Variants in FSTL1 observed in about 807,000 individuals in gnomAD.
The protein encoded by FSTL1 is follistatin-related protein 1.
FSTL1 carries 24 observed loss-of-function variants against 45.9 expected under a neutral mutation model. The ratio of observed to expected loss-of-function variants is 0.52; its 90% CI spans 0.38 to 0.74. FSTL1 has a LOEUF of 0.74. FSTL1 is among the 30% of genes least tolerant of loss of function. The pLI is 0.00. For synonymous variants in FSTL1, 120 were observed against 137.6 expected (o/e 0.87, Z 0.89); for missense variants, 340 against 381.8 (o/e 0.89, Z 0.91).
At chr3:120,425,206 G>A (rs755905518) in intron 2 of FSTL1, among the ~76,000 whole-genome samples, 1 of 152,106 alleles carries the variant, frequency 6.6e-6, no homozygotes, top group Non-Finnish European at 1.5e-5. Context: ...TCAACAGCCT[G>A]CACAATGGTA....
At chr3:120,425,492 T>A (rs1937361078) in intron 2 of FSTL1, among the ~76,000 whole-genome samples, 1 of 152,126 alleles carries the variant, frequency 6.6e-6, no homozygotes, top group Non-Finnish European at 1.5e-5. Context: ...GGGCCCTGGA[T>A]ATATCTCTGC....
Position 120,405,100 on chromosome 3 carries a change from A to G in FSTL1, c.463-129T>C, listed in dbSNP as rs557656303. The stretch of plus-strand genomic sequence containing the variant: ...CATTCCAACCCTGCCCTGACCTCAG[A>G]GGGCCTTGGCAACAAATGCTCTAAT... On this transcript the variant is annotated intron_variant, in intron 6 of 10. Coordinates refer to ENST00000295633, the MANE Select transcript of FSTL1 (RefSeq NM_007085.5). The G allele has an allele frequency of 1.4e-4, 88 of 650,400 alleles. 1 individual carries two copies. In the South Asian group the frequency reaches 1.5e-3, roughly 11 times the overall value. 40.3% of individuals were successfully genotyped at this position (650,400 alleles called of 1,614,324 possible).
chr3:120,414,894 T>G (rs1296581955), intron 3 of FSTL1, among the ~76,000 whole-genome samples: 1 of 150,550 alleles, frequency 6.6e-6, no homozygotes, highest in Admixed American at 6.6e-5. Flanking sequence ...ACCAGAGACC[T>G]TTGTTCACTT....
At chr3:120,403,570 G>A (rs2107650558) in intron 7 of FSTL1, among the ~76,000 whole-genome samples, 1 of 152,238 alleles carries the variant, frequency 6.6e-6, no homozygotes, top group South Asian at 2.1e-4. Flanking sequence ...ATGAATGTCA[G>A]ATCACCCAGG....
chr3:120,440,935 G>T (rs909054952), intron 2 of FSTL1, among the ~76,000 whole-genome samples: 1 of 152,216 alleles, frequency 6.6e-6, no homozygotes, highest in East Asian at 1.9e-4. Context: ...CCAGGAAGGG[G>T]TGGGCATGTG....
At chr3:120,426,024 C>A (rs532135235) in intron 2 of FSTL1, among the ~76,000 whole-genome samples, 23 of 152,150 alleles carry the variant, frequency 1.5e-4, no homozygotes, top group Non-Finnish European at 2.6e-4. Flanking sequence ...AATTCACATG[C>A]GATTCACAAT....
intron 2 of FSTL1, among the ~76,000 whole-genome samples, chr3:120,434,625 TA>T (rs1323524215): frequency 6.6e-6 from 1 of 152,218 alleles, no homozygotes; most frequent in African/African-American, 2.4e-5. Flanking sequence ...ACGAACTTTG[TA>T]AAACTCTGGA....
rs35160168 is a variant in FSTL1 at position 120,395,835 on chromosome 3, AC to A, written c.*1116del. 52 of 436,830 alleles carry A rather than the reference AC, an allele frequency of 1.2e-4. No homozygotes were observed. The highest frequency in any genetic ancestry group is 8.9e-4 in the South Asian group (51 of 57,152). 27.1% of individuals were successfully genotyped at this position (436,830 alleles called of 1,614,324 possible). A position where few individuals can be genotyped will look rare whatever the true frequency, so the allele number is the denominator to read the frequency against. On this transcript the variant is annotated 3_prime_UTR_variant, in exon 11 of 11. Transcript: ENST00000295633. ...AAAAAAGAAGAGACAGGGCCAACTCACCCTCCTAGTTAGTCGAATGAGCATA... is the reference window on the plus strand; with the variant it reads ...AAAAAAGAAGAGACAGGGCCAACTCACCTCCTAGTTAGTCGAATGAGCATA...
At chr3:120,408,632 C>G (rs1439963429) in intron 6 of FSTL1, among the ~76,000 whole-genome samples, 3 of 151,986 alleles carry the variant, frequency 2.0e-5, no homozygotes, top group Non-Finnish European at 4.4e-5. Context: ...GGGCATCTAC[C>G]TAGTGAAGAG....
intron 2 of FSTL1, among the ~76,000 whole-genome samples, chr3:120,416,776 A>G (rs968094256): frequency 6.6e-6 from 1 of 152,234 alleles, no homozygotes; most frequent in African/African-American, 2.4e-5. Context: ...GCTGCCTGAA[A>G]GTAGAACTAT....
chr3:120,406,329 G>A (rs1246791445), intron 6 of FSTL1, among the ~76,000 whole-genome samples: 3 of 152,152 alleles, frequency 2.0e-5, no homozygotes, highest in Non-Finnish European at 4.4e-5. Context: ...GCTTTCTTGA[G>A]TTCAAATATT....
intron 2 of FSTL1, 114 bp from the exon 3 acceptor site, chr3:120,416,141 G>T: frequency 2.5e-6 from 2 of 793,432 alleles, no homozygotes; most frequent in South Asian, 1.5e-5. Context: ...CATGGCTCAT[G>T]GTCTTAAACA....
chr3:120,415,893 T>C (rs767581752), intron 3 of FSTL1, 30 bp downstream of exon 3: 2 of 1,414,068 alleles, frequency 1.4e-6, no homozygotes, highest in South Asian at 1.1e-5. Context: ...CCTTGGCCAC[T>C]GTCCTCTGGC....
chr3:120,406,595 A>C (rs1049306885), intron 6 of FSTL1, among the ~76,000 whole-genome samples: 3 of 152,210 alleles, frequency 2.0e-5, no homozygotes, highest in African/African-American at 7.2e-5. Context: ...TTCTCAACTC[A>C]TGAGGGTCCA....
chr3:120,404,451 A>T (rs79951055), intron 7 of FSTL1, among the ~76,000 whole-genome samples: 362 of 152,382 alleles, frequency 2.4e-3, no homozygotes, highest in African/African-American at 8.4e-3. Flanking sequence ...GGCAATTGAC[A>T]TGAAATAGCA....
At chr3:120,450,512 T>G (rs1937865267) in intron 2 of FSTL1, among the ~76,000 whole-genome samples, 172 bp downstream of exon 2, 1 of 152,118 alleles carries the variant, frequency 6.6e-6, no homozygotes, top group South Asian at 2.1e-4. Context: ...GCTTTAAAGA[T>G]TTAAGTTTCG....
At chr3:120,425,673 C>T (rs939935392) in intron 2 of FSTL1, among the ~76,000 whole-genome samples, 1 of 152,170 alleles carries the variant, frequency 6.6e-6, no homozygotes, top group Non-Finnish European at 1.5e-5. Flanking sequence ...GAATATCAAA[C>T]TTCACTCTCC....
chr3:120,416,140 T>G (rs566692453), intron 2 of FSTL1, 113 bp from the exon 3 acceptor site: 110 of 826,600 alleles, frequency 1.3e-4, no homozygotes, highest in African/African-American at 1.0e-3. Flanking sequence ...TCATGGCTCA[T>G]GGTCTTAAAC....
intron 2 of FSTL1, among the ~76,000 whole-genome samples, chr3:120,424,703 A>C (rs1278556805): frequency 6.6e-6 from 1 of 152,120 alleles, no homozygotes; most frequent in African/African-American, 2.4e-5. Flanking sequence ...CAGAATAACG[A>C]GGTCTGGCAA....
Sources: gnomAD v4.1 joint callset for allele counts (sites outside exome capture counted in the v4.1 genomes callset) on GRCh38, gnomAD v4.1.1 for gene constraint, MANE v1.5 for transcripts, NCBI Gene and HGNC (gene_info 2026-07-23, HGNC 2026-07-21) for gene names.